Variants in MAST1 observed in about 807,000 individuals in gnomAD.
MAST1 encodes the protein microtubule-associated serine/threonine-protein kinase 1.
In MAST1, 40 loss-of-function variants were observed where a neutral mutation model predicts 124.6. The observed-to-expected ratio is 0.32, with a 90% CI of 0.25 to 0.42. MAST1 has a LOEUF of 0.42. Among genes scored for constraint, MAST1 ranks in the 10% least tolerant of loss-of-function variants. MAST1 has a pLI of 1.00. For synonymous variants in MAST1, 938 were observed against 939.4 expected, an observed-to-expected ratio of 1.00 and a Z score of 0.03; for missense variants, 1,558 against 2,181.9, an observed-to-expected ratio of 0.71 and a Z score of 5.70.
At chr19:12,851,867 G>T in intron 7 of MAST1, 67 bp from the exon 8 acceptor site, 1 of 1,207,942 alleles carries the variant, frequency 8.3e-7, no homozygotes, top group Non-Finnish European at 1.2e-6. Context: ...ACTCTGAGGG[G>T]CTGAGAGAGG....
rs141860344 is a variant in MAST1, at chr19:12,873,360, G to A, written c.3300G>A (p.Lys1100=). 6.7e-5 allele frequency: 108 copies of A among 1,613,886 alleles called. No homozygotes were observed. In the African/African-American group the frequency reaches 1.3e-3, roughly 19 times the overall value. Residue 1100 remains lysine, a synonymous_variant, in exon 25 of 26, where the codon AAG becomes AAA. Coordinates refer to ENST00000251472, the MANE Select transcript of MAST1 (RefSeq NM_014975.3). ...GCTCCCTCTTCCGGAAGATCACGAAGCAGTCGAACCTGCTGCATACTAGCC... is the reference window on the plus strand; with the variant it reads ...GCTCCCTCTTCCGGAAGATCACGAAACAGTCGAACCTGCTGCATACTAGCC... ...KRSSLFRKIT[K]QSNLLHTSRS...
At position 12,841,057 on chromosome 19, in the gene MAST1, C is replaced by A; in HGVS notation, c.239C>A (p.Ser80Tyr). The change falls in exon 3 of 26, where the codon TCC becomes TAC. Residue 80 changes from serine (S) to tyrosine (Y), a missense_variant. Transcript: ENST00000251472. This position sits in a 1 kb window ranked among gnomAD's most constrained non-coding sequence, Gnocchi z 4.3. The part of the protein sequence containing the change: ...PNTPAHFSFA[S>Y]SRRADGRRWS... Reference sequence around the variant, plus strand: ...ACCCCCGCCCACTTCTCGTTTGCCTCCTCCCGAAGGTGAGTCCCTCCCCTC... The same window carrying A: ...ACCCCCGCCCACTTCTCGTTTGCCTACTCCCGAAGGTGAGTCCCTCCCCTC... 3 of 1,512,808 alleles carry A rather than the reference C, an allele frequency of 2.0e-6. No homozygotes were observed. Among genetic ancestry groups the A allele is most frequent in the Non-Finnish European group, 2.8e-6 (3 of 1,087,146 alleles). The allele number at this position is 1,512,808 out of a possible 1,614,324, so 93.7% of individuals were successfully genotyped here.
chr19:12,868,780 C>A lies in MAST1; in HGVS notation c.2704C>A (p.Pro902Thr). ...MSGDVAVEKR[P>T]SRTGGKVIKS... ...AGGGGATGTGGCAGTAGAGAAGAGGCCTTCTCGAACTGGGGGCAAAGTCAT... is the reference window on the plus strand; with the variant it reads ...AGGGGATGTGGCAGTAGAGAAGAGGACTTCTCGAACTGGGGGCAAAGTCAT... The change falls in exon 21 of 26, where the codon CCT becomes ACT. Residue 902 changes from proline (P) to threonine (T), a missense_variant. By Grantham distance (38) the Pro-to-Thr change is conservative (BLOSUM62 -1). Transcript: ENST00000251472. 6.2e-7 allele frequency: 1 copy of A among 1,609,650 alleles called. No individual in the cohort carries two copies. The highest frequency in any genetic ancestry group is 1.1e-5 in the South Asian group (1 of 90,466).
intron 22 of MAST1, among the ~76,000 whole-genome samples, chr19:12,870,480 G>A (rs765845967): frequency 1.4e-5 from 2 of 138,438 alleles, no homozygotes; most frequent in African/African-American, 5.5e-5. Context: ...GACAGAGCGA[G>A]AGACTCCGTC....
rs1435439947 is a variant in MAST1, at chr19:12,841,867, A to G, written c.248+801A>G. Among the ~76,000 whole-genome samples, 1 of 152,182 alleles carries G rather than the reference A, an allele frequency of 6.6e-6. No individual in the cohort carries two copies. The highest frequency in any genetic ancestry group is 2.4e-5 in the African/African-American group (1 of 41,428). On this transcript the variant is annotated intron_variant, in intron 3 of 25. Coordinates refer to ENST00000251472, the MANE Select transcript of MAST1 (RefSeq NM_014975.3). This position sits in a 1 kb window ranked among gnomAD's most constrained non-coding sequence, Gnocchi z 4.3. ...CCTTGGGAAAGTGGGGGAACCGCCT[A>G]TTGACCATGGAATTTAGCTGAGGGC...
chr19:12,839,562 T>C (rs1969802098), intron 1 of MAST1, among the ~76,000 whole-genome samples: 1 of 152,194 alleles, frequency 6.6e-6, no homozygotes. Context: ...GTTATCACAT[T>C]GCAAGACTCA....
chr19:12,864,417 T>C (rs1287825147), intron 12 of MAST1, among the ~76,000 whole-genome samples: 1 of 149,210 alleles, frequency 6.7e-6, no homozygotes, highest in African/African-American at 2.5e-5. Flanking sequence ...AAAAATCTAG[T>C]GAAGACCAAG....
Position 12,874,661 on chromosome 19 carries a change from A to G in MAST1, c.4504A>G (p.Lys1502Glu), listed in dbSNP as rs747131736. 8 of 1,536,238 alleles carry G rather than the reference A, an allele frequency of 5.2e-6. No individual in the cohort carries two copies. The highest frequency in any genetic ancestry group is 4.0e-5 in the Admixed American group (2 of 50,374). Residue 1502 changes from lysine (K) to glutamate (E), a missense_variant, in exon 26 of 26, where the codon AAG becomes GAG. Physicochemically the swap from Lys to Glu is moderately conservative, Grantham distance 56 (BLOSUM62 1). Around this residue, in one of 10 missense-constraint regions of MAST1, gnomAD observed 168 missense variants for 154.3 expected, o/e 1.09. Transcript: ENST00000251472. The surrounding 1 kb of genome is among the most constrained non-coding windows in gnomAD (Gnocchi z 6.6). ...SGPRSKPASP[K>E]LSPEPQTPSL... ...TCCTCGCTCCAAGCCCGCCTCCCCA[A>G]AGCTCTCCCCGGAGCCCCAGACACC...
At position 12,868,103 on chromosome 19, in the gene MAST1, A is replaced by ATTTTT. The variant is rs34988246; in HGVS notation, c.2566+145_2566+149dup. On this transcript the variant is annotated intron_variant, in intron 20 of 25. Transcript: ENST00000251472. Reference sequence around the variant, plus strand: ...GGTCCTATTCACATTGCAATTTGGGATTTTTTTTTTTTTTTTTTTTTTTGA... The same window carrying ATTTTT: ...GGTCCTATTCACATTGCAATTTGGGATTTTTTTTTTTTTTTTTTTTTTTTTTTTGA... 2.6e-3 allele frequency: 834 copies of ATTTTT among 321,866 alleles called. 31 individuals carry two copies. Among genetic ancestry groups the ATTTTT allele is most frequent in the South Asian group, 4.9e-3 (44 of 8,896 alleles). The allele number at this position is 321,866 out of a possible 1,614,324, so 19.9% of individuals were successfully genotyped here. A position where few individuals can be genotyped will look rare whatever the true frequency, so the allele number is the denominator to read the frequency against.
chr19:12,839,858 A>T (rs2145881425), intron 1 of MAST1, among the ~76,000 whole-genome samples: 1 of 152,260 alleles, frequency 6.6e-6, no homozygotes, highest in African/African-American at 2.4e-5. Context: ...GGCTGCAGTG[A>T]GCCACTGCAC....
rs142575156 is a variant in MAST1 at position 12,847,346 on chromosome 19, C to G, written c.384C>G (p.Asp128Glu). 3 of 1,613,876 alleles carry G rather than the reference C, an allele frequency of 1.9e-6. No homozygotes were observed. In the African/African-American group the frequency reaches 4.0e-5, roughly 22 times the overall value. The change falls in exon 5 of 26, where the codon GAC becomes GAG. Residue 128 changes from aspartate (D) to glutamate (E), a missense_variant. Physicochemically the swap from Asp to Glu is conservative, Grantham distance 45 (BLOSUM62 2). Transcript: ENST00000251472. The surrounding 1 kb of genome is among the most constrained non-coding windows in gnomAD (Gnocchi z 5.5). Reference protein sequence around the residue: ...LHQLPYQPTVDELHFLSKHFG... With the variant: ...LHQLPYQPTVEELHFLSKHFG... Reference sequence around the variant, plus strand: ...AGCTGCCCTACCAGCCCACGGTGGACGAGCTCCACTTCCTCTCCAAACACT... The same window carrying G: ...AGCTGCCCTACCAGCCCACGGTGGAGGAGCTCCACTTCCTCTCCAAACACT...
At position 12,843,418 on chromosome 19, in the gene MAST1, T is replaced by C. The variant is rs773208055; in HGVS notation, c.249-111T>C. ...GCCTTGAGGAATCTTAGAGTGCAGA[T>C]ATATTCCCCCAACCCCCACCCTGGC... On this transcript the variant is annotated intron_variant, in intron 3 of 25. Coordinates refer to ENST00000251472, the MANE Select transcript of MAST1 (RefSeq NM_014975.3). The surrounding 1 kb of genome is among the most constrained non-coding windows in gnomAD (Gnocchi z 4.9). 1.5e-4 allele frequency: 111 copies of C among 737,226 alleles called. 1 individual carries two copies. Among genetic ancestry groups the C allele is most frequent in the Middle Eastern group, 2.8e-4 (1 of 3,600 alleles). 45.7% of individuals were successfully genotyped at this position (737,226 alleles called of 1,614,324 possible). A position where few individuals can be genotyped will look rare whatever the true frequency, so the allele number is the denominator to read the frequency against.
intron 21 of MAST1, 54 bp from the exon 22 acceptor site, chr19:12,869,012 G>A (rs1173872369): frequency 6.3e-7 from 1 of 1,582,092 alleles, no homozygotes; most frequent in Non-Finnish European, 8.7e-7. Context: ...AGCAGATACA[G>A]GGAGATGTCT....
At chr19:12,859,149 G>A (rs1044349062) in intron 12 of MAST1, among the ~76,000 whole-genome samples, 1 of 151,868 alleles carries the variant, frequency 6.6e-6, no homozygotes, top group African/African-American at 2.4e-5. Context: ...GTGCAATCTC[G>A]GTTCACTGCA....
At chr19:12,864,657 A>T in intron 12 of MAST1, 152 bp from the exon 13 acceptor site, 1 of 940,530 alleles carries the variant, frequency 1.1e-6, no homozygotes, top group Non-Finnish European at 1.6e-6. Context: ...AGAACCCAGT[A>T]GAGGACCTGG....
At chr19:12,849,418 C>A (rs1270239483) in intron 7 of MAST1, among the ~76,000 whole-genome samples, 2 of 152,198 alleles carry the variant, frequency 1.3e-5, no homozygotes, top group Admixed American at 1.3e-4. Context: ...AATCCCAGCA[C>A]TTTGGGAGGC....
chr19:12,847,598 T>G lies in MAST1; in HGVS notation c.489-14T>G, dbSNP rs1969909477. ...AGGCAGAGGACTCGACAAAATGGGCTTCTCTCCCCGCAGCCCCGGGCGCTC... is the reference window on the plus strand; with the variant it reads ...AGGCAGAGGACTCGACAAAATGGGCGTCTCTCCCCGCAGCCCCGGGCGCTC... On this transcript the variant is annotated splice_polypyrimidine_tract_variant and intron_variant, in intron 5 of 25. Coordinates refer to ENST00000251472, the MANE Select transcript of MAST1 (RefSeq NM_014975.3). This position sits in a 1 kb window ranked among gnomAD's most constrained non-coding sequence, Gnocchi z 5.5. The G allele has an allele frequency of 1.2e-6, 2 of 1,614,008 alleles. No homozygotes were observed. Among genetic ancestry groups the G allele is most frequent in the East Asian group, 4.5e-5 (2 of 44,868 alleles).
At chr19:12,859,203 C>T (rs1054702359) in intron 12 of MAST1, among the ~76,000 whole-genome samples, 1 of 152,060 alleles carries the variant, frequency 6.6e-6, no homozygotes, top group Non-Finnish European at 1.5e-5. Flanking sequence ...CCTCAGCCTC[C>T]CGAGTAGCTG....
chr19:12,861,588 G>A (rs1168023850), intron 12 of MAST1, among the ~76,000 whole-genome samples: 2 of 152,176 alleles, frequency 1.3e-5, no homozygotes, highest in Non-Finnish European at 2.9e-5. Flanking sequence ...CTGATGAGGA[G>A]GGTATTCCAG....
Sources: gnomAD v4.1 joint callset for allele counts (sites outside exome capture counted in the v4.1 genomes callset) on GRCh38, gnomAD v4.1.1 for gene constraint, gnomAD v4.1.1 regional missense constraint, Gnocchi (gnomAD v3.1) non-coding constraint, MANE v1.5 for transcripts, NCBI Gene and HGNC (gene_info 2026-07-23, HGNC 2026-07-21) for gene names.